SYT6: variants seen among roughly 807,000 people sequenced by gnomAD.
The protein encoded by SYT6 is synaptotagmin-6.
Under a neutral mutation model 38.4 loss-of-function variants are expected in SYT6, and 24 were observed. The ratio of observed to expected loss-of-function variants is 0.62; its 90% CI spans 0.45 to 0.88. The LOEUF (loss-of-function observed/expected upper bound fraction) is 0.88. SYT6 is among the 40% of genes least tolerant of loss of function. SYT6 has a pLI of 0.00. For missense variants in SYT6, 611 were observed against 621.0 expected (o/e 0.98, Z 0.17); for synonymous variants, 265 against 241.9 (o/e 1.10, Z -0.89).
At position 114,099,116 on chromosome 1, in the gene SYT6, T is replaced by C. The variant is rs1402984095; in HGVS notation, c.1342A>G (p.Ile448Val). The part of the protein sequence containing the change: ...PENMDQVSLL[I>V]SVMDYDRVGH... ...TACCGATCATAGTCCATGACTGAGATGAGCAGGCTGACTTGATCCATGTTT... is the reference window on the plus strand; with the variant it reads ...TACCGATCATAGTCCATGACTGAGACGAGCAGGCTGACTTGATCCATGTTT... Residue 448 changes from isoleucine to valine, a missense_variant, in exon 5 of 8, where the codon ATC becomes GTC. Physicochemically the swap from Ile to Val is conservative, Grantham distance 29. Transcript: ENST00000610222. 2 of 1,613,684 alleles carry C rather than the reference T, an allele frequency of 1.2e-6. No homozygotes were observed. The highest frequency in any genetic ancestry group is 2.2e-5 in the South Asian group (2 of 90,992).
At chr1:114,130,973 C>T (rs1047950263) in intron 3 of SYT6, among the ~76,000 whole-genome samples, 7 of 152,134 alleles carry the variant, frequency 4.6e-5, no homozygotes, top group African/African-American at 1.7e-4. Flanking sequence ...CTTGAAAAAG[C>T]CTTTTGTGGC....
intron 2 of SYT6, 54 bp from the exon 3 acceptor site, chr1:114,138,107 G>T: frequency 6.5e-7 from 1 of 1,531,546 alleles, no homozygotes; most frequent in South Asian, 1.2e-5. Context: ...CAGGGGAAGG[G>T]GGATGAAGGC....
chr1:114,108,793 C>T (rs1002648563), intron 3 of SYT6, among the ~76,000 whole-genome samples: 5 of 152,208 alleles, frequency 3.3e-5, no homozygotes, highest in African/African-American at 9.7e-5. Context: ...GCCTGTGAGT[C>T]CATCTTGGGA....
intron 6 of SYT6, among the ~76,000 whole-genome samples, chr1:114,095,364 C>A (rs147897223): frequency 1.7e-3 from 262 of 152,314 alleles, no homozygotes; most frequent in African/African-American, 6.0e-3. Flanking sequence ...AGGTTATATT[C>A]ATCATGAAGG....
At chr1:114,142,083 G>A (rs539410974) in intron 1 of SYT6, among the ~76,000 whole-genome samples, 1 of 152,290 alleles carries the variant, frequency 6.6e-6, no homozygotes, top group Non-Finnish European at 1.5e-5. Context: ...CGTCCATTCT[G>A]CAGCCCATGG....
intron 3 of SYT6, among the ~76,000 whole-genome samples, chr1:114,135,204 A>G (rs1321516944): frequency 6.6e-6 from 1 of 151,990 alleles, no homozygotes; most frequent in Non-Finnish European, 1.5e-5. Flanking sequence ...ACTGGCTGGA[A>G]TGCTCCCCCT....
intron 3 of SYT6, among the ~76,000 whole-genome samples, chr1:114,111,994 G>A (rs1271640020): frequency 1.3e-5 from 2 of 152,188 alleles, no homozygotes; most frequent in Non-Finnish European, 2.9e-5. Context: ...TGTCTGGGGT[G>A]GAAGGGTGGG....
intron 3 of SYT6, among the ~76,000 whole-genome samples, chr1:114,130,285 A>G (rs1678072438): frequency 6.6e-6 from 1 of 152,202 alleles, no homozygotes; most frequent in Non-Finnish European, 1.5e-5. Flanking sequence ...CTAGAGCATA[A>G]GCTCCACAAG....
Position 114,099,090 on chromosome 1 carries a change from C to T in SYT6, c.1364+4G>A, listed in dbSNP as rs201435085. 1.2e-6 allele frequency: 2 copies of T among 1,610,636 alleles called. No homozygotes were observed. The highest frequency in any genetic ancestry group is 1.7e-6 in the Non-Finnish European group (2 of 1,178,176). ...AATTACGTCCCTCTAGGACGCCTAC[C>T]TACCGATCATAGTCCATGACTGAGA... On this transcript the variant is annotated splice_donor_region_variant and intron_variant, in intron 5 of 7. Coordinates refer to ENST00000610222, the MANE Select transcript of SYT6 (RefSeq NM_001253772.2).
At chr1:114,111,300 G>A (rs946141939) in intron 3 of SYT6, among the ~76,000 whole-genome samples, 1 of 152,148 alleles carries the variant, frequency 6.6e-6, no homozygotes, top group African/African-American at 2.4e-5. Context: ...AAAGCCTTGG[G>A]AGATGGCTAC....
chr1:114,135,670 A>C (rs934131462), intron 3 of SYT6, among the ~76,000 whole-genome samples: 2 of 152,228 alleles, frequency 1.3e-5, no homozygotes, highest in Non-Finnish European at 2.9e-5. Flanking sequence ...GCTTGGGCAC[A>C]GACTGCCTGC....
intron 1 of SYT6, among the ~76,000 whole-genome samples, chr1:114,148,895 G>A (rs1679292374): frequency 1.3e-5 from 2 of 152,242 alleles, no homozygotes; most frequent in South Asian, 4.1e-4. Context: ...GCCCAAATCT[G>A]GGCTCTTGAA....
At chr1:114,129,006 T>A (rs959115101) in intron 3 of SYT6, among the ~76,000 whole-genome samples, 1 of 152,218 alleles carries the variant, frequency 6.6e-6, no homozygotes, top group Non-Finnish European at 1.5e-5. Context: ...CTATGTAGCA[T>A]CGCCACTTGG....
intron 1 of SYT6, among the ~76,000 whole-genome samples, chr1:114,149,372 C>G (rs1679332675): frequency 1.3e-5 from 2 of 151,706 alleles, no homozygotes; most frequent in South Asian, 4.2e-4. Context: ...GGGAGGGGAG[C>G]AGAGGGCTTT....
At chr1:114,146,544 G>A (rs1679163844) in intron 1 of SYT6, among the ~76,000 whole-genome samples, 1 of 152,194 alleles carries the variant, frequency 6.6e-6, no homozygotes, top group African/African-American at 2.4e-5. Flanking sequence ...ACTTTGATGG[G>A]CAACTCTGCC....
intron 3 of SYT6, among the ~76,000 whole-genome samples, chr1:114,123,473 C>T (rs1677542040): frequency 6.6e-6 from 1 of 152,322 alleles, no homozygotes; most frequent in Middle Eastern, 3.4e-3. Flanking sequence ...TCTCCTTCTA[C>T]AAAGCAGTGA....
At chr1:114,095,483 G>A (rs879703698) in intron 6 of SYT6, among the ~76,000 whole-genome samples, 1 of 152,160 alleles carries the variant, frequency 6.6e-6, no homozygotes, top group African/African-American at 2.4e-5. Context: ...GGCCCAGCCT[G>A]GTAACAGGGA....
In SYT6 at chr1:114,137,939, A is replaced by G. The variant is rs140607644; in HGVS notation, c.627T>C (p.Pro209=). ...EQPTSIGRIK[P]ELYKQKSVDG... Reference sequence around the variant, plus strand: ...CCACCGACTTCTGCTTGTAGAGCTCAGGCTTGATGCGGCCAATGCTGGTGG... The same window carrying G: ...CCACCGACTTCTGCTTGTAGAGCTCGGGCTTGATGCGGCCAATGCTGGTGG... Residue 209 remains proline (P), a synonymous_variant, in exon 3 of 8, where the codon CCT becomes CCC. Coordinates refer to ENST00000610222, the MANE Select transcript of SYT6 (RefSeq NM_001253772.2). 1 of 1,613,912 alleles carries G rather than the reference A, an allele frequency of 6.2e-7. No homozygotes were observed. The highest frequency in any genetic ancestry group is 8.5e-7 in the Non-Finnish European group (1 of 1,179,966).
rs147493860 is a variant in SYT6, at chr1:114,098,755, A to C, written c.1364+339T>G. 9.2e-5 allele frequency among the ~76,000 whole-genome samples: 14 copies of C among 152,334 alleles called. No individual in the cohort carries two copies. The East Asian group carries it at 2.7e-3, about 29-fold the overall frequency. On this transcript the variant is annotated intron_variant, in intron 5 of 7. Coordinates refer to ENST00000610222, the MANE Select transcript of SYT6 (RefSeq NM_001253772.2). ...ATCCCAGGGTGACAGTAGTAGCAAC[A>C]GCAGAAATAGAGAGGATAGAGGGGC... is the stretch of plus-strand genomic sequence containing the variant.
Sources: allele counts gnomAD v4.1 joint callset (sites outside exome capture counted in the v4.1 genomes callset), GRCh38; gene constraint gnomAD v4.1.1; transcripts MANE v1.5; gene names NCBI Gene and HGNC (gene_info 2026-07-23, HGNC 2026-07-21).